Variants in ADAMTS12 observed in about 807,000 individuals in gnomAD.
The protein encoded by ADAMTS12 is A disintegrin and metalloproteinase with thrombospondin motifs 12.
ADAMTS12 carries 118 observed loss-of-function variants against 167.8 expected under a neutral mutation model. That is an observed-to-expected ratio of 0.70 (90% CI 0.61 to 0.82). The LOEUF is 0.82. Ranked by LOEUF, ADAMTS12 falls within the 40% of genes least tolerant of loss-of-function variation. The probability of loss-of-function intolerance (pLI) is 0.00; values close to 1 mark genes in which losing one functional copy is unlikely to be tolerated. For synonymous variants in ADAMTS12, 704 were observed against 716.9 expected, an observed-to-expected ratio of 0.98 and a Z score of 0.29; for missense variants, 1,916 against 1,998.8, an observed-to-expected ratio of 0.96 and a Z score of 0.79.
chr5:33,709,833 C>A (rs1743330430), intron 3 of ADAMTS12, among the ~76,000 whole-genome samples: 1 of 151,878 alleles, frequency 6.6e-6, no homozygotes, highest in Admixed American at 6.6e-5. Flanking sequence ...AATAAACCTG[C>A]ACATGTATTC....
chr5:33,767,357 A>T (rs995488910), intron 2 of ADAMTS12, among the ~76,000 whole-genome samples: 7 of 152,210 alleles, frequency 4.6e-5, no homozygotes, highest in African/African-American at 1.7e-4. Flanking sequence ...TATACTAAAA[A>T]TAAAGTTATT....
At chr5:33,863,723 C>T (rs1488076942) in intron 2 of ADAMTS12, among the ~76,000 whole-genome samples, 5 of 152,046 alleles carry the variant, frequency 3.3e-5, no homozygotes, top group African/African-American at 1.2e-4. Flanking sequence ...TCATATGAAA[C>T]TAAAAAAGAG....
chr5:33,526,466 G>A lies in ADAMTS12; in HGVS notation c.*722C>T, dbSNP rs1173197591. ...GCATTTTACGAGTTTTCATAGAAAT[G>A]CTCTTCAAACCAGAAGTGTTTTCTG... On this transcript the variant is annotated 3_prime_UTR_variant, in exon 24 of 24. Coordinates refer to ENST00000504830, the MANE Select transcript of ADAMTS12 (RefSeq NM_030955.4). 1.3e-5 allele frequency: 2 copies of A among 152,214 alleles called. No individual in the cohort carries two copies. The highest frequency in any genetic ancestry group is 4.8e-5 in the African/African-American group (2 of 41,452). The allele number at this position is 152,214 out of a possible 1,614,324, so 9.4% of individuals were successfully genotyped here.
At chr5:33,615,791 GCA>G in intron 15 of ADAMTS12, 35 bp downstream of exon 15, 1 of 1,612,010 alleles carries the variant, frequency 6.2e-7, no homozygotes, top group South Asian at 1.1e-5. Context: ...ATTCTAACTA[GCA>G]CACATGTCAG....
rs571523929 is a variant in ADAMTS12 at position 33,565,307 on chromosome 5, CA to C, written c.3973-4129del. Among the ~76,000 whole-genome samples, 21 of 152,256 alleles carry C rather than the reference CA, an allele frequency of 1.4e-4. No homozygotes were observed. In the South Asian group the frequency reaches 4.4e-3, roughly 32 times the overall value. On this transcript the variant is annotated intron_variant, in intron 19 of 23. Coordinates refer to ENST00000504830, the MANE Select transcript of ADAMTS12 (RefSeq NM_030955.4). The stretch of plus-strand genomic sequence containing the variant: ...AGTAGCTGGAACTACAGGCATGCGC[CA>C]CCACGTCTAATTTTTATATTTTTTT...
In ADAMTS12 at chr5:33,592,778, A is replaced by T. The variant is rs193267443; in HGVS notation, c.2654+3156T>A. On this transcript the variant is annotated intron_variant, in intron 17 of 23. Transcript: ENST00000504830. ...AACAAGATATTACTGAAGAAAAATG[A>T]TCCATAAATAAATAAGATTAAACCT... is the stretch of plus-strand genomic sequence containing the variant. 1.1e-4 allele frequency among the ~76,000 whole-genome samples: 17 copies of T among 152,340 alleles called. No homozygotes were observed. In the East Asian group the frequency reaches 2.9e-3, roughly 26 times the overall value.
chr5:33,749,471 T>C (rs1307699571), intron 3 of ADAMTS12, among the ~76,000 whole-genome samples: 2 of 152,006 alleles, frequency 1.3e-5, no homozygotes, highest in Admixed American at 6.6e-5. Context: ...AGTAGAGCTG[T>C]TCAATTCTGA....
rs1037682666 is a variant in ADAMTS12 at position 33,700,502 on chromosome 5, A to C, written c.635-16447T>G. Among the ~76,000 whole-genome samples the C allele has an allele frequency of 2.6e-5, 4 of 152,316 alleles. No individual in the cohort carries two copies. In the South Asian group the frequency reaches 8.3e-4, roughly 32 times the overall value. Reference sequence around the variant, plus strand: ...AATTTTAGAAATTTTAGGACAGATTAGTGGTTGCCAAGGGTTAGGATGGAG... The same window carrying C: ...AATTTTAGAAATTTTAGGACAGATTCGTGGTTGCCAAGGGTTAGGATGGAG... On this transcript the variant is annotated intron_variant, in intron 3 of 23. Coordinates refer to ENST00000504830, the MANE Select transcript of ADAMTS12 (RefSeq NM_030955.4).
At chr5:33,705,379 T>C (rs556447136) in intron 3 of ADAMTS12, among the ~76,000 whole-genome samples, 9 of 152,240 alleles carry the variant, frequency 5.9e-5, no homozygotes, top group South Asian at 2.1e-4. Context: ...TTAAATGGAT[T>C]GTTTTTTGCT....
chr5:33,635,590 A>G (rs867708979), intron 12 of ADAMTS12, among the ~76,000 whole-genome samples: 2 of 152,314 alleles, frequency 1.3e-5, no homozygotes, highest in African/African-American at 4.8e-5. Context: ...TGCTGTGGGA[A>G]GTATCACTGT....
In ADAMTS12 at chr5:33,848,923, G is replaced by A. The variant is rs188312588; in HGVS notation, c.489+32196C>T. ...TACACACACATGATATATATATATC[G>A]TGGTGTTTTCATCTAAGCTGTTGAG... On this transcript the variant is annotated intron_variant, in intron 2 of 23. Transcript: ENST00000504830. Among the ~76,000 whole-genome samples the A allele has an allele frequency of 6.6e-5, 10 of 151,426 alleles. No homozygotes were observed. In the East Asian group the frequency reaches 1.2e-3, roughly 18 times the overall value.
At chr5:33,771,280 AAGG>A (rs1439838247) in intron 2 of ADAMTS12, among the ~76,000 whole-genome samples, 10 of 152,216 alleles carry the variant, frequency 6.6e-5, no homozygotes, top group Non-Finnish European at 1.5e-4. Flanking sequence ...TAAAGTAAAA[AAGG>A]AATCTGTCCC....
At chr5:33,694,535 T>C (rs921651827) in intron 3 of ADAMTS12, among the ~76,000 whole-genome samples, 3 of 152,126 alleles carry the variant, frequency 2.0e-5, no homozygotes, top group Admixed American at 6.5e-5. Flanking sequence ...GGTAAAAAGG[T>C]TCGAAAATAA....
chr5:33,596,947 C>T (rs1484445608), intron 16 of ADAMTS12, among the ~76,000 whole-genome samples: 1 of 152,186 alleles, frequency 6.6e-6, no homozygotes, highest in Non-Finnish European at 1.5e-5. Context: ...AAGTAAGGGA[C>T]TCACACAGGG....
chr5:33,681,405 T>G (rs376539218), intron 5 of ADAMTS12, among the ~76,000 whole-genome samples: 1 of 152,296 alleles, frequency 6.6e-6, no homozygotes, highest in East Asian at 1.9e-4. Flanking sequence ...CTGGTTAAGC[T>G]CTATAGATTT....
At chr5:33,837,190 G>A (rs986466981) in intron 2 of ADAMTS12, among the ~76,000 whole-genome samples, 5 of 152,242 alleles carry the variant, frequency 3.3e-5, no homozygotes, top group East Asian at 1.9e-4. Flanking sequence ...GTCAGAGATC[G>A]GGGCTGGGCC....
At chr5:33,555,517 G>C (rs961403447) in intron 20 of ADAMTS12, among the ~76,000 whole-genome samples, 1 of 152,100 alleles carries the variant, frequency 6.6e-6, no homozygotes, top group Non-Finnish European at 1.5e-5. Flanking sequence ...CCAAAGTGCT[G>C]GGATTATAGG....
At chr5:33,631,614 T>C (rs1013612691) in intron 12 of ADAMTS12, among the ~76,000 whole-genome samples, 1 of 152,236 alleles carries the variant, frequency 6.6e-6, no homozygotes, top group South Asian at 2.1e-4. Context: ...CACAGGAACA[T>C]TTACATAATA....
At chr5:33,600,691 T>C (rs936356649) in intron 16 of ADAMTS12, among the ~76,000 whole-genome samples, 1 of 152,182 alleles carries the variant, frequency 6.6e-6, no homozygotes, top group Admixed American at 6.5e-5. Flanking sequence ...TTTTTTAAAA[T>C]AACCATTTAA....
Sources: gnomAD v4.1 joint callset for allele counts (sites outside exome capture counted in the v4.1 genomes callset) on GRCh38, gnomAD v4.1.1 for gene constraint, MANE v1.5 for transcripts, NCBI Gene and HGNC (gene_info 2026-07-23, HGNC 2026-07-21) for gene names.